CLDN10: variants seen among roughly 807,000 people sequenced by gnomAD.
The protein encoded by CLDN10 is claudin-10.
In CLDN10, 15 loss-of-function variants were observed where a neutral mutation model predicts 22.9. The ratio of observed to expected loss-of-function variants is 0.65; its 90% CI spans 0.44 to 1.01. CLDN10 has a LOEUF of 1.01. Among genes scored for constraint, CLDN10 ranks in the 50% least tolerant of loss-of-function variants. The pLI is 0.00. For missense variants in CLDN10, 247 were observed against 287.8 expected, an observed-to-expected ratio of 0.86 and a Z score of 1.03; for synonymous variants, 114 against 111.4, an observed-to-expected ratio of 1.02 and a Z score of -0.15.
intron 1 of CLDN10, among the ~76,000 whole-genome samples, chr13:95,471,040 A>G (rs1441941426): frequency 6.6e-6 from 1 of 152,144 alleles, no homozygotes; most frequent in Non-Finnish European, 1.5e-5. Flanking sequence ...AGGTTACAGG[A>G]AAGCCCGAGA....
intron 1 of CLDN10, among the ~76,000 whole-genome samples, chr13:95,555,622 G>T (rs1396678626): frequency 6.6e-6 from 1 of 152,134 alleles, no homozygotes; most frequent in Non-Finnish European, 1.5e-5. Flanking sequence ...ATATTTATCA[G>T]CCTGTTTTTT....
chr13:95,550,105 T>A (rs2043548244), upstream of CLDN10, among the ~76,000 whole-genome samples: 1 of 152,176 alleles, frequency 6.6e-6, no homozygotes, highest in Non-Finnish European at 1.5e-5. Flanking sequence ...CCCCAGAGAT[T>A]CTGGCTTCAC....
At chr13:95,478,945 G>A (rs1294692557) in intron 1 of CLDN10, among the ~76,000 whole-genome samples, 1 of 152,244 alleles carries the variant, frequency 6.6e-6, no homozygotes, top group African/African-American at 2.4e-5. Flanking sequence ...AGCCTAAGTG[G>A]CTTCCTGTGC....
chr13:95,556,337 G>A (rs2043639310), intron 1 of CLDN10, among the ~76,000 whole-genome samples: 3 of 152,040 alleles, frequency 2.0e-5, no homozygotes, highest in South Asian at 2.1e-4. Context: ...TGAGCCATGC[G>A]CCCAGCCCTA....
chr13:95,481,863 T>C (rs1451128521), intron 1 of CLDN10, among the ~76,000 whole-genome samples: 4 of 151,978 alleles, frequency 2.6e-5, no homozygotes, highest in Non-Finnish European at 5.9e-5. Context: ...CTACTAAAAA[T>C]ACAAAATTAG....
chr13:95,515,196 T>C (rs1218927681), intron 1 of CLDN10, among the ~76,000 whole-genome samples: 1 of 151,928 alleles, frequency 6.6e-6, no homozygotes, highest in East Asian at 1.9e-4. Context: ...GTTGTTGTTG[T>C]TGTTGTTGTT....
At chr13:95,484,109 TC>T (rs1284624798) in intron 1 of CLDN10, among the ~76,000 whole-genome samples, 4 of 152,168 alleles carry the variant, frequency 2.6e-5, no homozygotes, top group Non-Finnish European at 5.9e-5. Context: ...GAAATACATT[TC>T]TGTTGTTTTT....
At chr13:95,548,699 A>C (rs1276318143), upstream of CLDN10, among the ~76,000 whole-genome samples, 2 of 152,220 alleles carry the variant, frequency 1.3e-5, no homozygotes, top group African/African-American at 4.8e-5. Context: ...ACCGGCATTA[A>C]TGTCTTCTTT....
intron 1 of CLDN10, among the ~76,000 whole-genome samples, chr13:95,495,116 A>C (rs1338027491): frequency 6.6e-6 from 1 of 150,822 alleles, no homozygotes; most frequent in Non-Finnish European, 1.5e-5. Context: ...GCTCACTGCA[A>C]CCTCCACCTC....
At position 95,508,955 on chromosome 13, in the gene CLDN10, A is replaced by G. The variant is rs545239769; in HGVS notation, c.215-51177A>G. On this transcript the variant is annotated intron_variant, in intron 1 of 4. Transcript: ENST00000376873. ...GAAAATTCTAGAAAACTTTGAGGAA[A>G]CCCCTGTTGGTTTGACATGATCAGC... Among the ~76,000 whole-genome samples the G allele has an allele frequency of 1.4e-3, 208 of 151,752 alleles. 1 individual carries two copies. The highest frequency in any genetic ancestry group is 4.8e-3 in the African/African-American group (200 of 41,356).
intron 1 of CLDN10, among the ~76,000 whole-genome samples, chr13:95,450,480 C>T (rs531609866): frequency 1.3e-5 from 2 of 152,306 alleles, no homozygotes; most frequent in East Asian, 1.9e-4. Flanking sequence ...ACATTTCTCT[C>T]TTCCTCTCTT....
At chr13:95,492,189 G>A (rs2042879303) in intron 1 of CLDN10, among the ~76,000 whole-genome samples, 1 of 152,106 alleles carries the variant, frequency 6.6e-6, no homozygotes, top group Non-Finnish European at 1.5e-5. Context: ...CTGTAGTCAT[G>A]TGGAAAGGGA....
intron 1 of CLDN10, among the ~76,000 whole-genome samples, chr13:95,475,105 C>A (rs981922006): frequency 7.2e-5 from 11 of 152,246 alleles, no homozygotes; most frequent in African/African-American, 2.4e-4. Context: ...GAGGAGGAAA[C>A]CTATAAGCCA....
At chr13:95,516,271 C>T (rs1342134685) in intron 1 of CLDN10, among the ~76,000 whole-genome samples, 1 of 152,132 alleles carries the variant, frequency 6.6e-6, no homozygotes, top group Non-Finnish European at 1.5e-5. Flanking sequence ...AGTATCATGA[C>T]ATTACATCCT....
rs540550676 is a variant in CLDN10, at chr13:95,437,522, G to A, written c.214+3475G>A. On this transcript the variant is annotated intron_variant, in intron 1 of 4. Transcript: ENST00000376873. ...GGGGAAGACTGAATCCAAGAAGCAT[G>A]GCTGCAGTGAGGGATTGAAGGAAAT... 2.0e-3 allele frequency among the ~76,000 whole-genome samples: 309 copies of A among 152,296 alleles called. 2 individuals are homozygous for A. Among genetic ancestry groups the A allele is most frequent in the African/African-American group, 7.2e-3 (301 of 41,558 alleles).
chr13:95,551,201 GC>G (rs973373808), upstream of CLDN10, among the ~76,000 whole-genome samples: 3 of 152,148 alleles, frequency 2.0e-5, no homozygotes, highest in African/African-American at 7.2e-5. Context: ...TGTTCTCAGA[GC>G]ACAGATTACA....
intron 1 of CLDN10, among the ~76,000 whole-genome samples, chr13:95,497,844 A>T (rs973135203): frequency 2.0e-5 from 3 of 151,740 alleles, no homozygotes; most frequent in African/African-American, 7.3e-5. Flanking sequence ...CTGGAAGGAA[A>T]GAAAAAATCA....
chr13:95,527,130 A>T (rs1461837345), intron 1 of CLDN10, among the ~76,000 whole-genome samples: 1 of 152,158 alleles, frequency 6.6e-6, no homozygotes, highest in Non-Finnish European at 1.5e-5. Flanking sequence ...GGGCCTGCTA[A>T]TTGTGGCAGT....
chr13:95,568,866 A>C (rs562200784), intron 3 of CLDN10, among the ~76,000 whole-genome samples: 1 of 152,250 alleles, frequency 6.6e-6, no homozygotes, highest in South Asian at 2.1e-4. Flanking sequence ...GCAGCATGGC[A>C]CACTGTTCAA....
Sources: gnomAD v4.1 joint callset for allele counts (sites outside exome capture counted in the v4.1 genomes callset) on GRCh38, gnomAD v4.1.1 for gene constraint, MANE v1.5 for transcripts, NCBI Gene and HGNC (gene_info 2026-07-23, HGNC 2026-07-21) for gene names.